IFT88: variants seen among roughly 807,000 people sequenced by gnomAD.
IFT88 encodes the protein intraflagellar transport 88.
A neutral mutation model predicts 119.5 loss-of-function variants in IFT88; 74 were observed. That is an observed-to-expected ratio of 0.62 (90% CI 0.51 to 0.75). The LOEUF is 0.75. Among genes scored for constraint, IFT88 ranks in the 30% least tolerant of loss-of-function variants. The pLI is 0.00. For missense variants in IFT88, 961 were observed against 977.7 expected (o/e 0.98, Z 0.23); for synonymous variants, 279 against 316.7 (o/e 0.88, Z 1.26).
chr13:20,572,126 G>A (rs775663683), intron 1 of IFT88, among the ~76,000 whole-genome samples: 3 of 151,908 alleles, frequency 2.0e-5, no homozygotes, highest in Non-Finnish European at 4.4e-5. Context: ...TATGTTGAAT[G>A]TTACTCCTGC....
chr13:20,625,312 A>G (rs1012615437), intron 14 of IFT88, among the ~76,000 whole-genome samples: 5 of 152,210 alleles, frequency 3.3e-5, no homozygotes, highest in African/African-American at 7.2e-5. Flanking sequence ...TGCCCCTGTT[A>G]TAGAGTAAAC....
At chr13:20,635,460 A>T (rs1409849878) in intron 16 of IFT88, among the ~76,000 whole-genome samples, 1 of 152,240 alleles carries the variant, frequency 6.6e-6, no homozygotes, top group Non-Finnish European at 1.5e-5. Context: ...CTAGCAAAGC[A>T]GGTGTGGCCA....
intron 13 of IFT88, among the ~76,000 whole-genome samples, chr13:20,612,955 T>A (rs1425477614): frequency 6.6e-6 from 1 of 152,122 alleles, no homozygotes; most frequent in Non-Finnish European, 1.5e-5. Flanking sequence ...AAATGAACTA[T>A]AGACCTAAAT....
intron 13 of IFT88, among the ~76,000 whole-genome samples, chr13:20,614,588 A>T (rs1566200070): frequency 6.6e-6 from 1 of 152,178 alleles, no homozygotes; most frequent in Non-Finnish European, 1.5e-5. Context: ...TTGGAGGAAA[A>T]CAAAGGAATG....
chr13:20,617,085 A>T (rs1156490576), intron 14 of IFT88, among the ~76,000 whole-genome samples: 1 of 152,154 alleles, frequency 6.6e-6, no homozygotes, highest in Non-Finnish European at 1.5e-5. Context: ...CTGGGACTAC[A>T]GGCGCCCGCC....
At chr13:20,615,311 C>T (rs911573080) in intron 13 of IFT88, among the ~76,000 whole-genome samples, 5 of 152,082 alleles carry the variant, frequency 3.3e-5, no homozygotes, top group African/African-American at 1.2e-4. Flanking sequence ...GTAACCTTGA[C>T]GATAACACAT....
At chr13:20,690,853 G>A (rs760901094) in intron 25 of IFT88, 38 bp downstream of exon 25, 6 of 1,492,368 alleles carry the variant, frequency 4.0e-6, no homozygotes, top group East Asian at 2.3e-5. Context: ...GGCATAGCAG[G>A]TCTGAAGAAG....
rs770396972 is a variant in IFT88, at chr13:20,643,476, C to T, written c.1704C>T (p.Pro568=). 1.2e-6 allele frequency: 2 copies of T among 1,600,540 alleles called. No individual in the cohort carries two copies. Among genetic ancestry groups the T allele is most frequent in the African/African-American group, 1.3e-5 (1 of 74,086 alleles). Residue 568 remains proline (P), a synonymous_variant, in exon 19 of 26, where the codon CCC becomes CCT. Coordinates refer to ENST00000351808, the MANE Select transcript of IFT88 (RefSeq NM_006531.5). Reference sequence around the variant, plus strand: ...TAAGATATGAATTAATGGAAAATCCCAGTCAAGCTATTGAATGGCTAATGC... The same window carrying T: ...TAAGATATGAATTAATGGAAAATCCTAGTCAAGCTATTGAATGGCTAATGC... ...IANIYELMEN[P]SQAIEWLMQV...
chr13:20,685,532 A>T (rs2057814415), intron 24 of IFT88, among the ~76,000 whole-genome samples: 1 of 152,202 alleles, frequency 6.6e-6, no homozygotes, highest in Non-Finnish European at 1.5e-5. Flanking sequence ...TCTAAGTGGC[A>T]CACCCTGCTG....
At chr13:20,635,584 G>A (rs1184928575) in intron 16 of IFT88, among the ~76,000 whole-genome samples, 1 of 152,140 alleles carries the variant, frequency 6.6e-6, no homozygotes, top group East Asian at 1.9e-4. Context: ...CCTTCTGAGA[G>A]CATCTTCCTT....
At position 20,592,352 on chromosome 13, in the gene IFT88, C is replaced by T. The variant is rs9315740; in HGVS notation, c.346C>T (p.Leu116Phe). The T allele has an allele frequency of 1.1e-3, 1,729 of 1,611,262 alleles. 9 individuals are homozygous for T. In the African/African-American group the frequency reaches 0.014, roughly 13 times the overall value. The stretch of plus-strand genomic sequence containing the variant: ...TGTCTCAGGCTCTGCATTTGACCCC[C>T]TTAGTCAGTCAAGGGGCCCTGCTTC... ...AALRGSAFDP[L>F]SQSRGPASPL... is the part of the protein sequence containing the mutation. Residue 116 changes from leucine to phenylalanine, a missense_variant, in exon 7 of 26, where the codon CTT becomes TTT. By Grantham distance (22) the Leu-to-Phe change is conservative. Coordinates refer to ENST00000351808, the MANE Select transcript of IFT88 (RefSeq NM_006531.5).
chr13:20,598,616 C>A, intron 9 of IFT88, 35 bp from the exon 10 acceptor site: 4 of 1,366,738 alleles, frequency 2.9e-6, no homozygotes, highest in South Asian at 2.4e-5. Context: ...CTAAAGTGGT[C>A]TTATGTGTCT....
chr13:20,601,695 T>C lies in IFT88; in HGVS notation c.813-10T>C. 6.4e-7 allele frequency: 1 copy of C among 1,553,086 alleles called. No individual in the cohort carries two copies. The highest frequency in any genetic ancestry group is 8.9e-7 in the Non-Finnish European group (1 of 1,129,168). ...GAATTTTAAAGCTAATCCATGTCTT[T>C]TTCTTTTAGGATTAAAATAATGCAG... On this transcript the variant is annotated splice_polypyrimidine_tract_variant and intron_variant, in intron 11 of 25. Transcript: ENST00000351808.
At chr13:20,656,114 C>A (rs941843156) in intron 21 of IFT88, among the ~76,000 whole-genome samples, 1 of 3,588 alleles carries the variant, frequency 2.8e-4, no homozygotes. Flanking sequence ...AGTGAGACCT[C>A]GTCTCTTTAA....
intron 24 of IFT88, among the ~76,000 whole-genome samples, chr13:20,689,032 C>T (rs931567392): frequency 7.2e-5 from 11 of 152,196 alleles, no homozygotes; most frequent in African/African-American, 2.2e-4. Context: ...CTCCCAGGCT[C>T]AAGCAATTCT....
intron 9 of IFT88, among the ~76,000 whole-genome samples, 191 bp from the exon 10 acceptor site, chr13:20,598,460 G>C (rs1410517710): frequency 6.6e-6 from 1 of 152,052 alleles, no homozygotes; most frequent in Non-Finnish European, 1.5e-5. Flanking sequence ...AAATTTAGAG[G>C]ACAGGTCTTC....
At chr13:20,677,679 A>G (rs1355617667) in intron 24 of IFT88, among the ~76,000 whole-genome samples, 1 of 152,204 alleles carries the variant, frequency 6.6e-6, no homozygotes, top group African/African-American at 2.4e-5. Flanking sequence ...ATACTTCCTC[A>G]TACTTAAGGA....
At chr13:20,644,358 A>G (rs1332485692) in intron 19 of IFT88, among the ~76,000 whole-genome samples, 4 of 151,986 alleles carry the variant, frequency 2.6e-5, no homozygotes, top group East Asian at 1.9e-4. Flanking sequence ...AAATTAGCCA[A>G]ATGTGGTTGT....
intron 2 of IFT88, among the ~76,000 whole-genome samples, chr13:20,578,975 A>G (rs540219179): frequency 2.6e-5 from 4 of 152,222 alleles, no homozygotes; most frequent in African/African-American, 9.6e-5. Context: ...TCTTTTCACA[A>G]AACCAACTTT....
Sources: gnomAD v4.1 joint callset for allele counts (sites outside exome capture counted in the v4.1 genomes callset) on GRCh38, gnomAD v4.1.1 for gene constraint, MANE v1.5 for transcripts, NCBI Gene and HGNC (gene_info 2026-07-23, HGNC 2026-07-21) for gene names.